The following SEMA3B variants were observed in gnomAD, a reference collection of about 807,000 sequenced individuals.
SEMA3B encodes semaphorin-3B.
SEMA3B carries 71 observed loss-of-function variants against 77.8 expected under a neutral mutation model. That is an observed-to-expected ratio of 0.91 (90% confidence interval 0.75 to 1.11). SEMA3B has a LOEUF of 1.11. Ranked by LOEUF, SEMA3B falls within the 50% of genes most tolerant of loss-of-function variation. The pLI is 0.00. For missense variants in SEMA3B, 968 were observed against 1,056.8 expected, an observed-to-expected ratio of 0.92 and a Z score of 1.17; for synonymous variants, 470 against 452.9, an observed-to-expected ratio of 1.04 and a Z score of -0.48.
At position 50,275,647 on chromosome 3, in the gene SEMA3B, C is replaced by T. The variant is rs782303058; in HGVS notation, c.1705+32C>T. Reference sequence around the variant, plus strand: ...GCCCCAGCTGCCCCTACCCTCAGCCCCAGAAGACGCCCCACCTGCCCTGCC... The same window carrying T: ...GCCCCAGCTGCCCCTACCCTCAGCCTCAGAAGACGCCCCACCTGCCCTGCC... On this transcript the variant is annotated intron_variant, in intron 15 of 16. Transcript: ENST00000616701. The surrounding 1 kb of genome is among the most constrained non-coding windows in gnomAD (Gnocchi z 7.5). 4 of 1,613,562 alleles carry T rather than the reference C, an allele frequency of 2.5e-6. No individual in the cohort carries two copies. In the Admixed American group the frequency reaches 5.0e-5, roughly 20 times the overall value.
Position 50,275,123 on chromosome 3 carries a change from C to T in SEMA3B, c.1491+70C>T, listed in dbSNP as rs1701188952. 2.0e-6 allele frequency: 3 copies of T among 1,512,586 alleles called. No individual in the cohort carries two copies. In the African/African-American group the frequency reaches 4.2e-5, roughly 21 times the overall value. The allele number at this position is 1,512,586 out of a possible 1,614,324, so 93.7% of individuals were successfully genotyped here. On this transcript the variant is annotated intron_variant, in intron 13 of 16. Transcript: ENST00000616701. This position sits in a 1 kb window ranked among gnomAD's most constrained non-coding sequence, Gnocchi z 7.5. ...TGCCTGGCGCGTCCCAAGCCTCTGG[C>T]CCCTTTTGGTAGTTTGCAGTCCCGG... is the stretch of plus-strand genomic sequence containing the variant.
In SEMA3B at chr3:50,276,757, G is replaced by A; in HGVS notation, c.*51G>A. 7.0e-7 allele frequency: 1 copy of A among 1,427,178 alleles called. No individual in the cohort carries two copies. The highest frequency in any genetic ancestry group is 9.1e-7 in the Non-Finnish European group (1 of 1,098,174). The allele number at this position is 1,427,178 out of a possible 1,614,324, so 88.4% of individuals were successfully genotyped here. On this transcript the variant is annotated 3_prime_UTR_variant, in exon 17 of 17. Transcript: ENST00000616701. This position sits in a 1 kb window ranked among gnomAD's most constrained non-coding sequence, Gnocchi z 5.8. Reference sequence around the variant, plus strand: ...AAGCAGGAGACGACAGGCGAGAGAGGAGCCAGACAGACCCTGAAAAGAAGG... The same window carrying A: ...AAGCAGGAGACGACAGGCGAGAGAGAAGCCAGACAGACCCTGAAAAGAAGG...
chr3:50,269,350 G>T lies in SEMA3B; in HGVS notation c.109+1G>T. The T allele has an allele frequency of 1.3e-6, 2 of 1,483,612 alleles. No homozygotes were observed. The highest frequency in any genetic ancestry group is 2.6e-5 in the South Asian group (2 of 77,960). The allele number at this position is 1,483,612 out of a possible 1,614,324, so 91.9% of individuals were successfully genotyped here. ...CCACGCCTTCGGCTCTCCTTCCAAG[G>T]TAGGTGCACCTGGCAGGCGGGAGGG... On this transcript the variant is annotated splice_donor_variant, in intron 1 of 16. Coordinates refer to ENST00000616701, the MANE Select transcript of SEMA3B (RefSeq NM_001290060.2). LOFTEE classifies it high-confidence loss of function. This position sits in a 1 kb window ranked among gnomAD's most constrained non-coding sequence, Gnocchi z 4.0.
upstream of SEMA3B, among the ~76,000 whole-genome samples, chr3:50,264,909 T>C (rs1700873385): frequency 6.9e-6 from 1 of 145,908 alleles, no homozygotes; most frequent in African/African-American, 2.5e-5. Flanking sequence ...GGGAGGAATG[T>C]GCAGGAGGGG....
chr3:50,269,312 C>A lies in SEMA3B; in HGVS notation c.72C>A (p.Ala24=). Residue 24 remains alanine, a synonymous_variant, in exon 1 of 17, where the codon GCC becomes GCA. Coordinates refer to ENST00000616701, the MANE Select transcript of SEMA3B (RefSeq NM_001290060.2). This position sits in a 1 kb window ranked among gnomAD's most constrained non-coding sequence, Gnocchi z 4.0. ...TCTGGGCAGTGGGGCTGGGGAGTGC[C>A]GCCCCCAGCCCCCCACGCCTTCGGC... ...ALLWAVGLGS[A]APSPPRLRLS... 2 of 1,528,734 alleles carry A rather than the reference C, an allele frequency of 1.3e-6. No homozygotes were observed. Among genetic ancestry groups the A allele is most frequent in the South Asian group, 1.2e-5 (1 of 82,856 alleles). 94.7% of individuals were successfully genotyped at this position (1,528,734 alleles called of 1,614,324 possible). A position where few individuals can be genotyped will look rare whatever the true frequency, so the allele number is the denominator to read the frequency against.
At chr3:50,263,887 G>A (rs1328119232), upstream of SEMA3B, among the ~76,000 whole-genome samples, 1 of 152,036 alleles carries the variant, frequency 6.6e-6, no homozygotes, top group Non-Finnish European at 1.5e-5. Context: ...CCTGGGGTCA[G>A]AGGGTTGAGG....
Position 50,276,382 on chromosome 3 carries a change from C to T in SEMA3B, c.1926C>T (p.Tyr642=), listed in dbSNP as rs1553706731. The part of the protein sequence containing the change: ...RRLRRRDSGV[Y]LCAAVEQGFT... ...TGCGGCGCCGGGACTCGGGCGTGTA[C>T]TTGTGCGCCGCCGTCGAGCAGGGCT... Residue 642 remains tyrosine, a synonymous_variant, in exon 17 of 17, where the codon TAC becomes TAT. Coordinates refer to ENST00000616701, the MANE Select transcript of SEMA3B (RefSeq NM_001290060.2). The surrounding 1 kb of genome is among the most constrained non-coding windows in gnomAD (Gnocchi z 5.8). 1.9e-5 allele frequency: 29 copies of T among 1,536,200 alleles called. No homozygotes were observed. The highest frequency in any genetic ancestry group is 2.4e-5 in the Non-Finnish European group (28 of 1,145,792).
rs1701236279 is a variant in SEMA3B, at chr3:50,276,176, T to C, written c.1846-126T>C. 1 of 1,265,044 alleles carries C rather than the reference T, an allele frequency of 7.9e-7. No individual in the cohort carries two copies. Among genetic ancestry groups the C allele is most frequent in the East Asian group, 2.8e-5 (1 of 35,742 alleles). 78.4% of individuals were successfully genotyped at this position (1,265,044 alleles called of 1,614,324 possible). ...AACACTCAGCCTTAAAATGTGCGCC[T>C]GCGGGCACCCCTTTCCCGCTCCACC... is the stretch of plus-strand genomic sequence containing the variant. On this transcript the variant is annotated intron_variant, in intron 16 of 16. Transcript: ENST00000616701. This position sits in a 1 kb window ranked among gnomAD's most constrained non-coding sequence, Gnocchi z 5.8.
Position 50,270,304 on chromosome 3 carries a change from C to A in SEMA3B, c.267+20C>A. 1 of 1,612,358 alleles carries A rather than the reference C, an allele frequency of 6.2e-7. No homozygotes were observed. The highest frequency in any genetic ancestry group is 8.5e-7 in the Non-Finnish European group (1 of 1,178,902). On this transcript the variant is annotated intron_variant, in intron 2 of 16. Transcript: ENST00000616701. The surrounding 1 kb of genome is among the most constrained non-coding windows in gnomAD (Gnocchi z 4.7). ...AAGAAGGTGCCAGGGACTCCCAACC[C>A]CAGCACTCCCCAGGGAAGGAGCCCT...
In SEMA3B at chr3:50,275,624, C is replaced by T; in HGVS notation, c.1705+9C>T. ...CACGTTGTGCTCCGGAGGTGAGTGC[C>T]CCAGCTGCCCCTACCCTCAGCCCCA... On this transcript the variant is annotated intron_variant, in intron 15 of 16. Transcript: ENST00000616701. The surrounding 1 kb of genome is among the most constrained non-coding windows in gnomAD (Gnocchi z 7.5). 1 of 1,613,746 alleles carries T rather than the reference C, an allele frequency of 6.2e-7. No individual in the cohort carries two copies.
At position 50,269,381 on chromosome 3, in the gene SEMA3B, C is replaced by A; in HGVS notation, c.109+32C>A. 7.6e-7 allele frequency: 1 copy of A among 1,315,360 alleles called. No homozygotes were observed. The highest frequency in any genetic ancestry group is 1.4e-5 in the South Asian group (1 of 69,058). 81.5% of individuals were successfully genotyped at this position (1,315,360 alleles called of 1,614,324 possible). A position where few individuals can be genotyped will look rare whatever the true frequency, so the allele number is the denominator to read the frequency against. The stretch of plus-strand genomic sequence containing the variant: ...GCACCTGGCAGGCGGGAGGGCCCAG[C>A]TTGAGGTGGGCAGGAAAGGGTCCCC... On this transcript the variant is annotated intron_variant, in intron 1 of 16. Coordinates refer to ENST00000616701, the MANE Select transcript of SEMA3B (RefSeq NM_001290060.2). The surrounding 1 kb of genome is among the most constrained non-coding windows in gnomAD (Gnocchi z 4.0).
In SEMA3B at chr3:50,276,031, C is replaced by T; in HGVS notation, c.1845+187C>T. ...GTCCAACGGGGCTCCCGACCCGCCTCCCCTGAATCAAGGAGAAGACCCGCC... is the reference window on the plus strand; with the variant it reads ...GTCCAACGGGGCTCCCGACCCGCCTTCCCTGAATCAAGGAGAAGACCCGCC... On this transcript the variant is annotated intron_variant, in intron 16 of 16. Transcript: ENST00000616701. The surrounding 1 kb of genome is among the most constrained non-coding windows in gnomAD (Gnocchi z 5.8). 1.1e-6 allele frequency: 1 copy of T among 902,670 alleles called. No homozygotes were observed. Among genetic ancestry groups the T allele is most frequent in the Non-Finnish European group, 1.6e-6 (1 of 617,532 alleles). 55.9% of individuals were successfully genotyped at this position (902,670 alleles called of 1,614,324 possible).
chr3:50,270,275 G>A lies in SEMA3B; in HGVS notation c.258G>A (p.Arg86=). ...TCAACCTGGACAACATCAGCAAGCG[G>A]GCCAAGAAGGTGCCAGGGACTCCCA... ...ASLNLDNISK[R]AKKLAWPAPV... Residue 86 remains arginine (R), a synonymous_variant, in exon 2 of 17, where the codon CGG becomes CGA. Transcript: ENST00000616701. This position sits in a 1 kb window ranked among gnomAD's most constrained non-coding sequence, Gnocchi z 4.7. The A allele has an allele frequency of 1.2e-6, 2 of 1,613,368 alleles. No individual in the cohort carries two copies. The highest frequency in any genetic ancestry group is 1.7e-6 in the Non-Finnish European group (2 of 1,179,626).
intron 6 of SEMA3B, among the ~76,000 whole-genome samples, chr3:50,272,100 G>A (rs1347639731): frequency 6.6e-6 from 1 of 151,556 alleles, no homozygotes; most frequent in Non-Finnish European, 1.5e-5. Context: ...TACAAAGCAA[G>A]ACAAAAAATA....
At position 50,275,855 on chromosome 3, in the gene SEMA3B, C is replaced by T. The variant is rs1553706573; in HGVS notation, c.1845+11C>T. Reference sequence around the variant, plus strand: ...ACAGCCCACACCCAGGTGAGCCTTACTCCGCCCTCCCCGCCAGGCTCCTGT... The same window carrying T: ...ACAGCCCACACCCAGGTGAGCCTTATTCCGCCCTCCCCGCCAGGCTCCTGT... On this transcript the variant is annotated intron_variant, in intron 16 of 16. Coordinates refer to ENST00000616701, the MANE Select transcript of SEMA3B (RefSeq NM_001290060.2). This position sits in a 1 kb window ranked among gnomAD's most constrained non-coding sequence, Gnocchi z 7.5. 1 of 1,573,806 alleles carries T rather than the reference C, an allele frequency of 6.4e-7. No individual in the cohort carries two copies. Among genetic ancestry groups the T allele is most frequent in the South Asian group, 1.2e-5 (1 of 86,834 alleles).
chr3:50,270,735 G>A lies in SEMA3B; in HGVS notation c.331-155G>A. On this transcript the variant is annotated intron_variant, in intron 3 of 16. Transcript: ENST00000616701. This position sits in a 1 kb window ranked among gnomAD's most constrained non-coding sequence, Gnocchi z 4.7. ...CCAGACACCCACCCTCGTGAGGCCT[G>A]GGCTGGTCAGCAAGGGCCCCCAGGT... 1 of 1,322,656 alleles carries A rather than the reference G, an allele frequency of 7.6e-7. No individual in the cohort carries two copies. The highest frequency in any genetic ancestry group is 1.0e-6 in the Non-Finnish European group (1 of 970,666). The allele number at this position is 1,322,656 out of a possible 1,614,324, so 81.9% of individuals were successfully genotyped here.
At position 50,276,649 on chromosome 3, in the gene SEMA3B, G is replaced by A; in HGVS notation, c.2193G>A (p.Arg731=). The change falls in exon 17 of 17, where the codon AGG becomes AGA. Residue 731 remains arginine (R), a synonymous_variant. Transcript: ENST00000616701. The surrounding 1 kb of genome is among the most constrained non-coding windows in gnomAD (Gnocchi z 5.8). ...CGCGGAGAAAGGGCCGTAACCGGAG[G>A]ACCCACGCCCCTGAGCCTCGCGCTG... ...LESRRKGRNR[R]THAPEPRAER... 6.3e-7 allele frequency: 1 copy of A among 1,594,344 alleles called. No homozygotes were observed.
Position 50,276,236 on chromosome 3 carries a change from G to T in SEMA3B, c.1846-66G>T. On this transcript the variant is annotated intron_variant, in intron 16 of 16. Transcript: ENST00000616701. This position sits in a 1 kb window ranked among gnomAD's most constrained non-coding sequence, Gnocchi z 5.8. ...AATGACTCTTTGCTTCTTCCGTCGC[G>T]TGCTAGGGCCCGGAAGCCCTGTTCC... is the stretch of plus-strand genomic sequence containing the variant. 1 of 1,426,408 alleles carries T rather than the reference G, an allele frequency of 7.0e-7. No individual in the cohort carries two copies. Among genetic ancestry groups the T allele is most frequent in the South Asian group, 1.5e-5 (1 of 67,928 alleles). 88.4% of individuals were successfully genotyped at this position (1,426,408 alleles called of 1,614,324 possible).
Position 50,270,224 on chromosome 3 carries a change from G to T in SEMA3B, c.207G>T (p.Val69=). 1 of 1,611,924 alleles carries T rather than the reference G, an allele frequency of 6.2e-7. No homozygotes were observed. The highest frequency in any genetic ancestry group is 8.5e-7 in the Non-Finnish European group (1 of 1,179,320). ...ATGAGGAGCGTGGACGCCTGTTTGT[G>T]GGTGCCGAGAACCATGTGGCCTCCC... ...LVDEERGRLF[V]GAENHVASLN... The change falls in exon 2 of 17, where the codon GTG becomes GTT. Residue 69 remains valine, a synonymous_variant. Coordinates refer to ENST00000616701, the MANE Select transcript of SEMA3B (RefSeq NM_001290060.2). The surrounding 1 kb of genome is among the most constrained non-coding windows in gnomAD (Gnocchi z 4.7).
Sources: gnomAD v4.1 joint callset for allele counts (sites outside exome capture counted in the v4.1 genomes callset) on GRCh38, gnomAD v4.1.1 for gene constraint, Gnocchi (gnomAD v3.1) non-coding constraint, MANE v1.5 for transcripts, NCBI Gene and HGNC (gene_info 2026-07-23, HGNC 2026-07-21) for gene names.